The following TBCK variants were observed in gnomAD, a reference collection of about 807,000 sequenced individuals.
TBCK encodes the protein TBC domain-containing protein kinase-like protein.
TBCK carries 99 observed loss-of-function variants against 113.4 expected under a neutral mutation model. The ratio of observed to expected loss-of-function variants is 0.87; its 90% CI spans 0.74 to 1.03. The LOEUF (loss-of-function observed/expected upper bound fraction) is 1.03. Among genes scored for constraint, TBCK ranks in the 50% least tolerant of loss-of-function variants. TBCK has a pLI of 0.00. For missense variants in TBCK, 1,045 were observed against 1,061.3 expected, an observed-to-expected ratio of 0.98 and a Z score of 0.21; for synonymous variants, 369 against 370.8, an observed-to-expected ratio of 1.00 and a Z score of 0.05.
chr4:106,238,357 T>C (rs1417453990), intron 12 of TBCK, among the ~76,000 whole-genome samples: 14 of 152,088 alleles, frequency 9.2e-5, no homozygotes, highest in Non-Finnish European at 2.1e-4. Flanking sequence ...CTATATAACA[T>C]GTAAAATATT....
chr4:106,210,336 T>G lies in TBCK; in HGVS notation c.1860+2414A>C, dbSNP rs572860960. Among the ~76,000 whole-genome samples the G allele has an allele frequency of 2.0e-5, 3 of 152,294 alleles. No individual in the cohort carries two copies. In the East Asian group the frequency reaches 5.8e-4, roughly 29 times the overall value. The stretch of plus-strand genomic sequence containing the variant: ...TCCTTGATGTTGTTTCCATAGGATT[T>G]GAGAGCAAGAGAAACCAACACAAAT... On this transcript the variant is annotated intron_variant, in intron 20 of 25. Coordinates refer to ENST00000394708, the MANE Select transcript of TBCK (RefSeq NM_001163435.3).
chr4:106,229,428 G>C (rs1264054257), intron 19 of TBCK, among the ~76,000 whole-genome samples: 1 of 151,292 alleles, frequency 6.6e-6, no homozygotes, highest in African/African-American at 2.5e-5. Context: ...TGTGTATGTT[G>C]ACAGATAGAG....
At chr4:106,087,947 A>G (rs1205458332) in intron 25 of TBCK, among the ~76,000 whole-genome samples, 1 of 152,240 alleles carries the variant, frequency 6.6e-6, no homozygotes, top group African/African-American at 2.4e-5. Context: ...TTATACAAAA[A>G]TTAACTCAAG....
chr4:106,247,159 T>A lies in TBCK; in HGVS notation c.911A>T (p.Asp304Val). The A allele has an allele frequency of 1.2e-6, 2 of 1,613,036 alleles. No individual in the cohort carries two copies. The highest frequency in any genetic ancestry group is 8.5e-7 in the Non-Finnish European group (1 of 1,179,566). ...LRCADLTLPE[D>V]ISQLCKDINN... ...ATTACCTTTACACAACTGACTGATATCCTCAGGCAGAGTTAAATCAGCACA... is the reference window on the plus strand; with the variant it reads ...ATTACCTTTACACAACTGACTGATAACCTCAGGCAGAGTTAAATCAGCACA... The change falls in exon 10 of 26, where the codon GAT (aspartate) becomes GTT (valine). Residue 304 changes from aspartate (D) to valine (V), a missense_variant. Asp to Val is a radical substitution (Grantham distance 152). Coordinates refer to ENST00000394708, the MANE Select transcript of TBCK (RefSeq NM_001163435.3).
intron 24 of TBCK, among the ~76,000 whole-genome samples, chr4:106,113,147 C>G (rs1382739981): frequency 1.3e-5 from 2 of 152,132 alleles, no homozygotes; most frequent in African/African-American, 4.8e-5. Context: ...ATGGGGTGGC[C>G]TACAAAAATT....
At chr4:106,294,535 G>A (rs1766069344) in intron 3 of TBCK, among the ~76,000 whole-genome samples, 1 of 151,260 alleles carries the variant, frequency 6.6e-6, no homozygotes, top group African/African-American at 2.4e-5. Context: ...AGGCAGGAGT[G>A]CGGTGGTGCA....
intron 20 of TBCK, among the ~76,000 whole-genome samples, chr4:106,197,409 G>GTATATATATATA (rs750387268): frequency 3.9e-5 from 3 of 77,054 alleles, no homozygotes; most frequent in Non-Finnish European, 1.0e-4. Flanking sequence ...GTGTGTGTGT[G>GTATATATATATA]TGTATATATA....
intron 3 of TBCK, among the ~76,000 whole-genome samples, chr4:106,286,895 A>G (rs1360201665): frequency 9.7e-6 from 1 of 103,166 alleles, no homozygotes; most frequent in Admixed American, 1.3e-4. Context: ...AAAAACAAAA[A>G]GGCAGGAGGG....
At chr4:106,053,652 T>G (rs907176726) in intron 25 of TBCK, among the ~76,000 whole-genome samples, 5 of 151,660 alleles carry the variant, frequency 3.3e-5, no homozygotes, top group African/African-American at 1.2e-4. Flanking sequence ...AAATTTGTCT[T>G]TACTATCTTC....
chr4:106,290,710 C>T lies in TBCK; in HGVS notation c.266+4384G>A, dbSNP rs138351986. The stretch of plus-strand genomic sequence containing the variant: ...GTCCTGGACCCTGTACCTAGGACTG[C>T]GCAGCAAGAGGTGTGCAGCAGGCAA... On this transcript the variant is annotated intron_variant, in intron 3 of 25. Coordinates refer to ENST00000394708, the MANE Select transcript of TBCK (RefSeq NM_001163435.3). Among the ~76,000 whole-genome samples the T allele has an allele frequency of 5.7e-3, 867 of 152,302 alleles. 10 individuals are homozygous for T. Among genetic ancestry groups the T allele is most frequent in the African/African-American group, 0.02 (834 of 41,564 alleles).
At position 106,298,980 on chromosome 4, in the gene TBCK, G is replaced by A. The variant is rs554045596; in HGVS notation, c.194-3814C>T. On this transcript the variant is annotated intron_variant, in intron 2 of 25. Transcript: ENST00000394708. The stretch of plus-strand genomic sequence containing the variant: ...GGAACATATCCCCTGAGGAAAAGGG[G>A]GGCCTACTGTGATATCTTTTTTCCT... Among the ~76,000 whole-genome samples, 3 of 152,190 alleles carry A rather than the reference G, an allele frequency of 2.0e-5. No homozygotes were observed. The East Asian group carries it at 5.8e-4, about 29-fold the overall frequency.
intron 25 of TBCK, among the ~76,000 whole-genome samples, chr4:106,055,876 C>A (rs567284772): frequency 6.6e-6 from 1 of 151,312 alleles, no homozygotes; most frequent in African/African-American, 2.4e-5. Context: ...GAGACTATCA[C>A]CTGGAATTTG....
chr4:106,051,177 T>C (rs183639085), intron 25 of TBCK, among the ~76,000 whole-genome samples: 7 of 151,988 alleles, frequency 4.6e-5, no homozygotes, highest in African/African-American at 1.4e-4. Context: ...ATGAGGTATG[T>C]AGAACAGAAT....
chr4:106,278,606 C>T lies in TBCK; in HGVS notation c.267-16394G>A, dbSNP rs147021553. 2.2e-3 allele frequency among the ~76,000 whole-genome samples: 243 copies of T among 109,908 alleles called. 1 individual carries two copies. The highest frequency in any genetic ancestry group is 7.5e-3 in the African/African-American group (226 of 30,132). 72.1% of individuals were successfully genotyped at this position (109,908 alleles called of 152,430 possible). ...AAAAGAGTTCATGAAATGGCAAATA[C>T]ATAATTAAATGGAAAAGAATTTTTT... On this transcript the variant is annotated intron_variant, in intron 3 of 25. Transcript: ENST00000394708.
At chr4:106,265,901 A>G (rs1471694216) in intron 3 of TBCK, among the ~76,000 whole-genome samples, 1 of 151,834 alleles carries the variant, frequency 6.6e-6, no homozygotes, top group Non-Finnish European at 1.5e-5. Context: ...AAAAGAAGCA[A>G]TGAGGGTTAC....
At chr4:106,172,540 A>G (rs950287997) in intron 22 of TBCK, among the ~76,000 whole-genome samples, 1 of 152,156 alleles carries the variant, frequency 6.6e-6, no homozygotes, top group Admixed American at 6.6e-5. Context: ...TTCCTCTGTA[A>G]AAGTCCAAGT....
At chr4:106,214,578 C>T (rs2149902639) in intron 19 of TBCK, among the ~76,000 whole-genome samples, 1 of 152,154 alleles carries the variant, frequency 6.6e-6, no homozygotes, top group East Asian at 1.9e-4. Context: ...GCAGAAGCGT[C>T]AGGAGCCGAT....
In TBCK at chr4:106,068,972, C is replaced by T. The variant is rs570187962; in HGVS notation, c.2572-22292G>A. ...GAGAAGTGTCTGTTCATGTCCTTCG[C>T]CCACTTTTTGATGGGGTTGTTTGAT... On this transcript the variant is annotated intron_variant, in intron 25 of 25. Transcript: ENST00000394708. Among the ~76,000 whole-genome samples, 37 of 128,694 alleles carry T rather than the reference C, an allele frequency of 2.9e-4. No homozygotes were observed. The South Asian group carries it at 9.1e-3, about 32-fold the overall frequency. 84.4% of individuals were successfully genotyped at this position (128,694 alleles called of 152,430 possible).
chr4:106,152,012 A>T (rs1449703968), intron 23 of TBCK, among the ~76,000 whole-genome samples: 1 of 151,960 alleles, frequency 6.6e-6, no homozygotes, highest in African/African-American at 2.4e-5. Context: ...CAAATAAAAG[A>T]TCATGTCATC....
Sources: gnomAD v4.1 joint callset for allele counts (sites outside exome capture counted in the v4.1 genomes callset) on GRCh38, gnomAD v4.1.1 for gene constraint, MANE v1.5 for transcripts, NCBI Gene and HGNC (gene_info 2026-07-23, HGNC 2026-07-21) for gene names.